SORCS1: variants seen among roughly 807,000 people sequenced by gnomAD.
The protein encoded by SORCS1 is sortilin related VPS10 domain containing receptor 1.
Under a neutral mutation model 146.1 loss-of-function variants are expected in SORCS1, and 60 were observed. The ratio of observed to expected loss-of-function variants is 0.41; its 90% confidence interval spans 0.33 to 0.51. The LOEUF is 0.51. Ranked by LOEUF, SORCS1 falls within the 20% of genes least tolerant of loss-of-function variation. The pLI is 0.21. For synonymous variants in SORCS1, 637 were observed against 584.0 expected (o/e 1.09, Z -1.31); for missense variants, 1,352 against 1,487.6 (o/e 0.91, Z 1.50).
At chr10:107,109,439 T>C (rs891456278) in intron 1 of SORCS1, among the ~76,000 whole-genome samples, 1 of 152,190 alleles carries the variant, frequency 6.6e-6, no homozygotes, top group African/African-American at 2.4e-5. Context: ...TTGCACCCTT[T>C]GAAGCAGTAG....
At chr10:106,813,128 CTTTT>C (rs71025557) in intron 3 of SORCS1, among the ~76,000 whole-genome samples, 10 of 98,722 alleles carry the variant, frequency 1.0e-4, no homozygotes, top group Middle Eastern at 6.2e-3. Flanking sequence ...CTTCTCTTTT[CTTTT>C]TTTTTTTTTT....
At chr10:106,851,870 C>T (rs2137291911) in intron 2 of SORCS1, among the ~76,000 whole-genome samples, 1 of 152,196 alleles carries the variant, frequency 6.6e-6, no homozygotes, top group Non-Finnish European at 1.5e-5. Context: ...TTTTTAACAT[C>T]CTTTATCAGA....
At chr10:107,144,324 C>A (rs1446739212) in intron 1 of SORCS1, among the ~76,000 whole-genome samples, 1 of 152,092 alleles carries the variant, frequency 6.6e-6, no homozygotes, top group Non-Finnish European at 1.5e-5. Flanking sequence ...TGTTCTTAGC[C>A]CTACCAGAAA....
intron 1 of SORCS1, among the ~76,000 whole-genome samples, chr10:107,075,534 G>T (rs554869380): frequency 1.3e-4 from 20 of 152,120 alleles, no homozygotes; most frequent in African/African-American, 4.8e-4. Context: ...TACTGTTACA[G>T]AAAAAATCAT....
intron 1 of SORCS1, among the ~76,000 whole-genome samples, chr10:106,964,148 T>C (rs1955388457): frequency 6.6e-6 from 1 of 152,176 alleles, no homozygotes; most frequent in African/African-American, 2.4e-5. Context: ...CTGGTTTACC[T>C]AAAGGTTAGA....
chr10:107,123,240 T>C (rs1966509582), intron 1 of SORCS1, among the ~76,000 whole-genome samples: 1 of 152,220 alleles, frequency 6.6e-6, no homozygotes, highest in Non-Finnish European at 1.5e-5. Context: ...TAATTGGTAC[T>C]TGTATTCACA....
chr10:107,090,559 T>C (rs1964112251), intron 1 of SORCS1, among the ~76,000 whole-genome samples: 1 of 152,116 alleles, frequency 6.6e-6, no homozygotes, highest in South Asian at 2.1e-4. Context: ...TTTGGAGATA[T>C]TAAATGACAG....
chr10:107,092,052 G>A (rs1964221715), intron 1 of SORCS1, among the ~76,000 whole-genome samples: 1 of 152,292 alleles, frequency 6.6e-6, no homozygotes, highest in Middle Eastern at 3.4e-3. Flanking sequence ...GGTGATTTAA[G>A]AATATTGAAA....
intron 1 of SORCS1, among the ~76,000 whole-genome samples, chr10:107,038,787 A>G (rs183221344): frequency 1.2e-3 from 189 of 152,264 alleles, no homozygotes; most frequent in African/African-American, 4.4e-3. Flanking sequence ...CTGCTCATAG[A>G]TTAGCAACAA....
intron 8 of SORCS1, among the ~76,000 whole-genome samples, chr10:106,705,977 G>A (rs1255520098): frequency 6.6e-6 from 1 of 152,186 alleles, no homozygotes; most frequent in Non-Finnish European, 1.5e-5. Context: ...AAAGGCTGGT[G>A]CCACGTCACG....
chr10:107,011,603 A>G (rs191701977), intron 1 of SORCS1, among the ~76,000 whole-genome samples: 108 of 152,348 alleles, frequency 7.1e-4, no homozygotes, highest in African/African-American at 2.4e-3. Flanking sequence ...CAGAATTCCA[A>G]TGCTCCAAAG....
rs1426618852 is a variant in SORCS1 at position 106,577,345 on chromosome 10, T to C, written c.*75A>G. On this transcript the variant is annotated 3_prime_UTR_variant, in exon 26 of 26. Coordinates refer to ENST00000263054, the MANE Select transcript of SORCS1 (RefSeq NM_052918.5). ...AAAAAAAACACAAAGTTAGTGGTCATGAAGGATGATGTACTTGACAAGAGC... is the reference window on the plus strand; with the variant it reads ...AAAAAAAACACAAAGTTAGTGGTCACGAAGGATGATGTACTTGACAAGAGC... 6.2e-7 allele frequency: 1 copy of C among 1,611,834 alleles called. No individual in the cohort carries two copies. Among genetic ancestry groups the C allele is most frequent in the South Asian group, 1.1e-5 (1 of 90,606 alleles).
chr10:106,618,073 G>A lies in SORCS1; in HGVS notation c.2920+76C>T, dbSNP rs1847495857. 3.2e-6 allele frequency: 5 copies of A among 1,582,860 alleles called. No individual in the cohort carries two copies. In the African/African-American group the frequency reaches 5.4e-5, roughly 17 times the overall value. ...AGGTAAAAGTCACAGCTGGGGGATG[G>A]TCTCTGGCATCATGGCACAAGAGAA... On this transcript the variant is annotated intron_variant, in intron 21 of 25. Coordinates refer to ENST00000263054, the MANE Select transcript of SORCS1 (RefSeq NM_052918.5).
At chr10:107,113,098 C>T (rs1965800920) in intron 1 of SORCS1, among the ~76,000 whole-genome samples, 1 of 152,130 alleles carries the variant, frequency 6.6e-6, no homozygotes, top group South Asian at 2.1e-4. Context: ...ATAGATTATA[C>T]TTTGGGCCAC....
At chr10:106,752,053 C>A (rs1858292959) in intron 5 of SORCS1, among the ~76,000 whole-genome samples, 1 of 152,078 alleles carries the variant, frequency 6.6e-6, no homozygotes, top group Non-Finnish European at 1.5e-5. Flanking sequence ...GACTTTGTAG[C>A]AGGAAATTGA....
rs368482126 is a variant in SORCS1 at position 107,060,342 on chromosome 10, C to A, written c.558+103627G>T. ...GTACTAGTACTGAGGAGGGTTCTTG[C>A]GAGATTAAAGTTAATTAAAAGATGA... On this transcript the variant is annotated intron_variant, in intron 1 of 25. Coordinates refer to ENST00000263054, the MANE Select transcript of SORCS1 (RefSeq NM_052918.5). The surrounding 1 kb of genome is among the most constrained non-coding windows in gnomAD (Gnocchi z 4.1). Among the ~76,000 whole-genome samples, 5 of 152,174 alleles carry A rather than the reference C, an allele frequency of 3.3e-5. No individual in the cohort carries two copies. Among genetic ancestry groups the A allele is most frequent in the South Asian group, 4.2e-4 (2 of 4,814 alleles).
intron 3 of SORCS1, among the ~76,000 whole-genome samples, chr10:106,790,764 G>A (rs1946280195): frequency 6.6e-6 from 1 of 152,140 alleles, no homozygotes; most frequent in Non-Finnish European, 1.5e-5. Context: ...TGGCCGGACA[G>A]GTTTTTAAGC....
intron 19 of SORCS1, among the ~76,000 whole-genome samples, chr10:106,626,162 G>T (rs755385647): frequency 3.3e-5 from 5 of 152,140 alleles, no homozygotes; most frequent in African/African-American, 7.2e-5. Flanking sequence ...GAATGTGTAT[G>T]TGAGACAGGC....
chr10:106,795,869 C>T lies in SORCS1; in HGVS notation c.727-19177G>A, dbSNP rs115357633. Among the ~76,000 whole-genome samples the T allele has an allele frequency of 8.2e-3, 1,241 of 152,202 alleles. 17 individuals carry two copies. Among genetic ancestry groups the T allele is most frequent in the African/African-American group, 0.027 (1,125 of 41,516 alleles). ...TCTCTGCCACTGTCTAGTTCTAAGA[C>T]GCTGGGAGAAAACCAACTAACATCT... On this transcript the variant is annotated intron_variant, in intron 3 of 25. Transcript: ENST00000263054.
Sources: allele counts gnomAD v4.1 joint callset (sites outside exome capture counted in the v4.1 genomes callset), GRCh38; gene constraint gnomAD v4.1.1; non-coding constraint Gnocchi (gnomAD v3.1); transcripts MANE v1.5; gene names NCBI Gene and HGNC (gene_info 2026-07-23, HGNC 2026-07-21).